Variants in PRDM5 observed in about 807,000 individuals in gnomAD.
The protein encoded by PRDM5 is PR/SET domain 5.
A neutral mutation model predicts 81.2 loss-of-function variants in PRDM5; 56 were observed. The ratio of observed to expected loss-of-function variants is 0.69; its 90% CI spans 0.56 to 0.86. The LOEUF (loss-of-function observed/expected upper bound fraction) is 0.86. Ranked by LOEUF, PRDM5 falls within the 40% of genes least tolerant of loss-of-function variation. PRDM5 has a pLI of 0.00. For missense variants in PRDM5, 697 were observed against 770.1 expected, an observed-to-expected ratio of 0.91 and a Z score of 1.12; for synonymous variants, 267 against 256.4, an observed-to-expected ratio of 1.04 and a Z score of -0.39.
At chr4:120,719,123 C>G (rs1232927113) in intron 14 of PRDM5, among the ~76,000 whole-genome samples, 2 of 152,156 alleles carry the variant, frequency 1.3e-5, no homozygotes, top group Admixed American at 6.5e-5. Context: ...CCAGATAATT[C>G]TTTGGTGTGA....
intron 15 of PRDM5, among the ~76,000 whole-genome samples, chr4:120,708,946 C>T (rs932397327): frequency 3.3e-5 from 5 of 151,730 alleles, no homozygotes; most frequent in African/African-American, 1.2e-4. Flanking sequence ...AAATATGGAT[C>T]TCTACACAGC....
chr4:120,699,813 A>C (rs1357233297), intron 15 of PRDM5, among the ~76,000 whole-genome samples: 1 of 152,134 alleles, frequency 6.6e-6, no homozygotes, highest in Non-Finnish European at 1.5e-5. Flanking sequence ...GATTGGAAGA[A>C]TCAATATCAT....
At chr4:120,899,385 T>C (rs1008967385) in intron 2 of PRDM5, among the ~76,000 whole-genome samples, 1 of 152,212 alleles carries the variant, frequency 6.6e-6, no homozygotes, top group African/African-American at 2.4e-5. Flanking sequence ...CACAGCTGAT[T>C]GGCAATAGAT....
chr4:120,901,040 G>T (rs1053134599), intron 2 of PRDM5, among the ~76,000 whole-genome samples: 4 of 152,122 alleles, frequency 2.6e-5, no homozygotes, highest in Admixed American at 2.6e-4. Context: ...ATAAACGAGT[G>T]ATAGATTATG....
intron 8 of PRDM5, among the ~76,000 whole-genome samples, chr4:120,801,589 G>A (rs1391851698): frequency 2.0e-5 from 3 of 152,202 alleles, no homozygotes; most frequent in Non-Finnish European, 4.4e-5. Flanking sequence ...TTATCTCCCC[G>A]CTTAGATGCA....
intron 14 of PRDM5, among the ~76,000 whole-genome samples, chr4:120,721,006 TG>T (rs1041593838): frequency 6.6e-6 from 1 of 152,206 alleles, no homozygotes; most frequent in African/African-American, 2.4e-5. Flanking sequence ...AGGAGGCACC[TG>T]GTCCCTTTTA....
intron 3 of PRDM5, among the ~76,000 whole-genome samples, chr4:120,850,169 C>T (rs1289085034): frequency 1.3e-5 from 2 of 152,004 alleles, no homozygotes; most frequent in African/African-American, 2.4e-5. Context: ...CGTTTTCCAC[C>T]GAGCAAGCCA....
In PRDM5 at chr4:120,694,938, A is replaced by C. The variant is rs1042735473; in HGVS notation, c.*173T>G. On this transcript the variant is annotated 3_prime_UTR_variant, in exon 16 of 16. Transcript: ENST00000264808. Reference sequence around the variant, plus strand: ...TCCATTTATACCATTTCTTGTTAAAAGTAAGACTTTTTTTTGGTTGCATAT... The same window carrying C: ...TCCATTTATACCATTTCTTGTTAAACGTAAGACTTTTTTTTGGTTGCATAT... 1 of 708,116 alleles carries C rather than the reference A, an allele frequency of 1.4e-6. No individual in the cohort carries two copies. The highest frequency in any genetic ancestry group is 1.8e-5 in the South Asian group (1 of 56,436). The allele number at this position is 708,116 out of a possible 1,614,324, so 43.9% of individuals were successfully genotyped here. A position where few individuals can be genotyped will look rare whatever the true frequency, so the allele number is the denominator to read the frequency against.
chr4:120,864,807 C>A (rs1467456810), intron 2 of PRDM5, among the ~76,000 whole-genome samples: 1 of 152,098 alleles, frequency 6.6e-6, no homozygotes, highest in Non-Finnish European at 1.5e-5. Flanking sequence ...CTCTTATGTC[C>A]TAACAATTAA....
intron 13 of PRDM5, among the ~76,000 whole-genome samples, chr4:120,756,478 A>C (rs1188596454): frequency 6.6e-6 from 1 of 152,204 alleles, no homozygotes; most frequent in Non-Finnish European, 1.5e-5. Context: ...TGCTTCTCTG[A>C]TATATCTAGA....
downstream of PRDM5, among the ~76,000 whole-genome samples, chr4:120,687,874 C>T (rs1310283027): frequency 6.6e-6 from 1 of 152,108 alleles, no homozygotes; most frequent in African/African-American, 2.4e-5. Flanking sequence ...CTTGCCAGTG[C>T]TTGCACTTTG....
intron 13 of PRDM5, among the ~76,000 whole-genome samples, chr4:120,756,285 A>G (rs1447225814): frequency 6.6e-6 from 1 of 152,284 alleles, no homozygotes; most frequent in African/African-American, 2.4e-5. Context: ...AGCTTAAATC[A>G]GTGTGCATTG....
intron 15 of PRDM5, among the ~76,000 whole-genome samples, chr4:120,702,550 A>G (rs1057496265): frequency 1.3e-5 from 2 of 152,214 alleles, no homozygotes; most frequent in African/African-American, 2.4e-5. Flanking sequence ...ACTAAGGAAC[A>G]TGAGGGCAAG....
chr4:120,845,408 C>A (rs1758543045), intron 3 of PRDM5, among the ~76,000 whole-genome samples: 1 of 152,196 alleles, frequency 6.6e-6, no homozygotes, highest in South Asian at 2.1e-4. Flanking sequence ...TGCTCATTTA[C>A]CATTCAGAAA....
At position 120,805,148 on chromosome 4, in the gene PRDM5, C is replaced by G. The variant is rs144655395; in HGVS notation, c.946-5403G>C. On this transcript the variant is annotated intron_variant, in intron 8 of 15. Coordinates refer to ENST00000264808, the MANE Select transcript of PRDM5 (RefSeq NM_018699.4). ...CACATACACCCTCCCAAGACTAAAG[C>G]AGGAAAAAGGTGAATCCCTGAATAG... 2.4e-3 allele frequency among the ~76,000 whole-genome samples: 362 copies of G among 152,180 alleles called. 1 individual carries two copies. Among genetic ancestry groups the G allele is most frequent in the African/African-American group, 8.4e-3 (350 of 41,534 alleles).
intron 14 of PRDM5, among the ~76,000 whole-genome samples, chr4:120,729,451 T>A (rs1739939506): frequency 6.6e-6 from 1 of 152,136 alleles, no homozygotes; most frequent in Non-Finnish European, 1.5e-5. Context: ...CATAGGTCCT[T>A]CAAAGCAATA....
At chr4:120,913,848 A>G (rs1037516709) in intron 1 of PRDM5, among the ~76,000 whole-genome samples, 1 of 152,196 alleles carries the variant, frequency 6.6e-6, no homozygotes, top group Non-Finnish European at 1.5e-5. Flanking sequence ...ACAGCCCACA[A>G]TCTTTCCTGC....
chr4:120,693,375 T>A lies in PRDM5; in HGVS notation c.*1736A>T, dbSNP rs1253091820. On this transcript the variant is annotated 3_prime_UTR_variant, in exon 16 of 16. Coordinates refer to ENST00000264808, the MANE Select transcript of PRDM5 (RefSeq NM_018699.4). The stretch of plus-strand genomic sequence containing the variant: ...TATATTCAAATGATATTAAACACAC[T>A]ATCATATTAAAATGAAAACACTTTA... 1 of 152,128 alleles carries A rather than the reference T, an allele frequency of 6.6e-6. No individual in the cohort carries two copies. The highest frequency in any genetic ancestry group is 1.5e-5 in the Non-Finnish European group (1 of 68,008). 9.4% of individuals were successfully genotyped at this position (152,128 alleles called of 1,614,324 possible).
intron 14 of PRDM5, among the ~76,000 whole-genome samples, chr4:120,748,012 T>C (rs1327823785): frequency 6.6e-6 from 1 of 152,258 alleles, no homozygotes; most frequent in Non-Finnish European, 1.5e-5. Flanking sequence ...ACCTAATGTT[T>C]ATAAAATGGG....
Sources: allele counts gnomAD v4.1 joint callset (sites outside exome capture counted in the v4.1 genomes callset), GRCh38; gene constraint gnomAD v4.1.1; transcripts MANE v1.5; gene names NCBI Gene and HGNC (gene_info 2026-07-23, HGNC 2026-07-21).